The following CCDC148 variants were observed in gnomAD, a reference collection of about 807,000 sequenced individuals.
The protein encoded by CCDC148 is coiled-coil domain-containing protein 148.
Under a neutral mutation model 85.7 loss-of-function variants are expected in CCDC148, and 89 were observed. The observed-to-expected ratio is 1.04, with a 90% CI of 0.87 to 1.24. The LOEUF (loss-of-function observed/expected upper bound fraction) is 1.24, where lower values mean the gene tolerates loss of function less well. Ranked by LOEUF, CCDC148 falls within the 50% of genes most tolerant of loss-of-function variation. CCDC148 has a pLI of 0.00. For missense variants in CCDC148, 692 were observed against 671.7 expected, an observed-to-expected ratio of 1.03 and a Z score of -0.33; for synonymous variants, 230 against 213.9, an observed-to-expected ratio of 1.08 and a Z score of -0.66.
intron 9 of CCDC148, among the ~76,000 whole-genome samples, chr2:158,260,352 G>A (rs1003907755): frequency 1.3e-5 from 2 of 151,976 alleles, no homozygotes; most frequent in Non-Finnish European, 2.9e-5. Flanking sequence ...GGTATTGAAT[G>A]AGCATAACTC....
Position 158,266,907 on chromosome 2 carries a change from C to T in CCDC148, c.1111-15995G>A, listed in dbSNP as rs6737004. Among the ~76,000 whole-genome samples, 157 of 66,978 alleles carry T rather than the reference C, an allele frequency of 2.3e-3. 1 individual carries two copies. Among genetic ancestry groups the T allele is most frequent in the African/African-American group, 5.0e-3 (145 of 28,730 alleles). 43.9% of individuals were successfully genotyped at this position (66,978 alleles called of 152,430 possible). ...ATATATTTATTTACATATATATATACACACACATATATACATATATATGCA... is the reference window on the plus strand; with the variant it reads ...ATATATTTATTTACATATATATATATACACACATATATACATATATATGCA... On this transcript the variant is annotated intron_variant, in intron 9 of 13. Transcript: ENST00000283233.
intron 9 of CCDC148, among the ~76,000 whole-genome samples, chr2:158,301,027 T>A (rs528227568): frequency 3.3e-5 from 5 of 152,234 alleles, no homozygotes; most frequent in African/African-American, 1.2e-4. Flanking sequence ...GCTGTTTTTT[T>A]AAACACTTTT....
chr2:158,286,547 G>A (rs1468000348), intron 9 of CCDC148, among the ~76,000 whole-genome samples: 2 of 152,124 alleles, frequency 1.3e-5, no homozygotes, highest in African/African-American at 4.8e-5. Context: ...GAGTTAAAAA[G>A]ACACTTATGA....
chr2:158,331,028 C>T (rs773593227), intron 7 of CCDC148, among the ~76,000 whole-genome samples: 4 of 151,954 alleles, frequency 2.6e-5, no homozygotes, highest in African/African-American at 7.3e-5. Context: ...CTCTGATTTT[C>T]GTTATTTCTC....
At chr2:158,245,878 A>G (rs60624791) in intron 10 of CCDC148, among the ~76,000 whole-genome samples, 14,107 of 152,232 alleles carry the variant, frequency 0.093, 702 homozygotes, top group Middle Eastern at 0.13. Flanking sequence ...AAAAACATCA[A>G]TATCATCTAA....
intron 11 of CCDC148, among the ~76,000 whole-genome samples, chr2:158,201,884 C>T (rs989141767): frequency 2.0e-5 from 3 of 152,000 alleles, no homozygotes; most frequent in Admixed American, 6.6e-5. Flanking sequence ...ACAATGGTAT[C>T]GTGGTTAAGT....
At chr2:158,382,080 A>C (rs989879014) in intron 1 of CCDC148, among the ~76,000 whole-genome samples, 1 of 152,220 alleles carries the variant, frequency 6.6e-6, no homozygotes, top group Middle Eastern at 3.4e-3. Context: ...CCCTTCCACC[A>C]TGTGAAGACA....
chr2:158,263,060 C>A (rs76236067), intron 9 of CCDC148, among the ~76,000 whole-genome samples: 1 of 151,962 alleles, frequency 6.6e-6, no homozygotes, highest in Admixed American at 6.6e-5. Flanking sequence ...TCCCCTTGCC[C>A]TCTCTGTCTC....
chr2:158,388,462 G>T lies in CCDC148; in HGVS notation c.26-29892C>A, dbSNP rs149144492. ...CCTTGGCAAGTTCCTTAGCTTCTTTGTGTTTATGTTTTTCTATCTTTATTT... is the reference window on the plus strand; with the variant it reads ...CCTTGGCAAGTTCCTTAGCTTCTTTTTGTTTATGTTTTTCTATCTTTATTT... On this transcript the variant is annotated intron_variant, in intron 1 of 13. Transcript: ENST00000283233. Among the ~76,000 whole-genome samples the T allele has an allele frequency of 9.9e-3, 1,512 of 152,062 alleles. 9 individuals are homozygous for T. Among genetic ancestry groups the T allele is most frequent in the Middle Eastern group, 0.082 (24 of 294 alleles).
chr2:158,313,695 A>G, intron 8 of CCDC148, 61 bp downstream of exon 8: 1 of 1,490,318 alleles, frequency 6.7e-7, no homozygotes, highest in Non-Finnish European at 9.1e-7. Context: ...TACATTGCTT[A>G]ATAATTATTG....
intron 9 of CCDC148, among the ~76,000 whole-genome samples, chr2:158,264,879 AAACACTAGAAT>A (rs1037756765): frequency 3.9e-5 from 6 of 152,146 alleles, no homozygotes; most frequent in Admixed American, 2.0e-4. Flanking sequence ...CTGAGTAGAT[AAACACTAGAAT>A]AACGTGCATT....
chr2:158,450,898 TC>T (rs1234621202), intron 1 of CCDC148, among the ~76,000 whole-genome samples: 3 of 152,148 alleles, frequency 2.0e-5, no homozygotes, highest in African/African-American at 7.2e-5. Flanking sequence ...TCTATACCCT[TC>T]TATCCCTCCT....
intron 9 of CCDC148, among the ~76,000 whole-genome samples, chr2:158,275,812 T>TA (rs1177198171): frequency 6.6e-6 from 1 of 152,040 alleles, no homozygotes; most frequent in East Asian, 1.9e-4. Context: ...TGAAAAAGTA[T>TA]ATCCTATGAT....
chr2:158,172,756 A>G, intron 13 of CCDC148, among the ~76,000 whole-genome samples: 1 of 152,116 alleles, frequency 6.6e-6, no homozygotes. Flanking sequence ...TATTTCAAAC[A>G]GAAGTAGAAA....
At chr2:158,237,257 T>A (rs1284664880) in intron 10 of CCDC148, among the ~76,000 whole-genome samples, 7 of 152,054 alleles carry the variant, frequency 4.6e-5, no homozygotes, top group Non-Finnish European at 5.9e-5. Context: ...GCCCTGTATG[T>A]CCCTTCTAGA....
At chr2:158,299,811 G>T (rs1158786719) in intron 9 of CCDC148, among the ~76,000 whole-genome samples, 1 of 152,152 alleles carries the variant, frequency 6.6e-6, no homozygotes, top group Non-Finnish European at 1.5e-5. Context: ...TGTGGAGAAG[G>T]GGGGAATTAT....
intron 11 of CCDC148, among the ~76,000 whole-genome samples, chr2:158,214,994 G>T (rs116330639): frequency 7.2e-5 from 11 of 151,954 alleles, no homozygotes; most frequent in Non-Finnish European, 1.5e-4. Flanking sequence ...TTTTTGAAAA[G>T]AACAATGAGT....
At chr2:158,371,101 C>A (rs1466293312) in intron 1 of CCDC148, among the ~76,000 whole-genome samples, 2 of 151,794 alleles carry the variant, frequency 1.3e-5, no homozygotes, top group Non-Finnish European at 2.9e-5. Context: ...TTACTATATT[C>A]TGGGAAAACA....
chr2:158,417,418 T>C (rs1021091707), intron 1 of CCDC148, among the ~76,000 whole-genome samples: 1 of 152,242 alleles, frequency 6.6e-6, no homozygotes, highest in East Asian at 1.9e-4. Context: ...TGACTGCTCA[T>C]AGCACTTGCC....
Sources: allele counts gnomAD v4.1 joint callset (sites outside exome capture counted in the v4.1 genomes callset), GRCh38; gene constraint gnomAD v4.1.1; transcripts MANE v1.5; gene names NCBI Gene and HGNC (gene_info 2026-07-23, HGNC 2026-07-21).